Variants in TNFSF13 observed in about 807,000 individuals in gnomAD.
TNFSF13 encodes TNF superfamily member 13, also known as tumor necrosis factor ligand superfamily member 13.
A neutral mutation model predicts 30.7 loss-of-function variants in TNFSF13; 18 were observed. The observed-to-expected ratio is 0.59, with a 90% CI of 0.41 to 0.87. TNFSF13 has a LOEUF of 0.87. Among genes scored for constraint, TNFSF13 ranks in the 40% least tolerant of loss-of-function variants. The probability of loss-of-function intolerance (pLI) is 0.00; values close to 1 mark genes in which losing one functional copy is unlikely to be tolerated. For synonymous variants in TNFSF13, 116 were observed against 123.2 expected (o/e 0.94, Z 0.39); for missense variants, 286 against 308.8 (o/e 0.93, Z 0.55).
chr17:7,560,362 G>A lies in TNFSF13; in HGVS notation c.517G>A (p.Asp173Asn), dbSNP rs1447434870. 1 of 1,614,176 alleles carries A rather than the reference G, an allele frequency of 6.2e-7. No homozygotes were observed. Among genetic ancestry groups the A allele is most frequent in the Non-Finnish European group, 8.5e-7 (1 of 1,180,022 alleles). Residue 173 changes from aspartate (D) to asparagine (N), a missense_variant, in exon 5 of 6, where the codon GAC (aspartate) becomes AAC (asparagine). Transcript: ENST00000338784. ...YLLYSQVLFQ[D>N]VTFTMGQVVS... ...CCTTCCCTGCCAGGTCCTGTTTCAA[G>A]ACGTGACTTTCACCATGGGTCAGGT... is the stretch of plus-strand genomic sequence containing the variant.
Position 7,560,796 on chromosome 17 carries a change from C to G in TNFSF13, c.716C>G (p.Ser239Cys). ...IPRARAKLNLSPHGTFLGFVK... is the reference protein window; with the variant it reads ...IPRARAKLNLCPHGTFLGFVK... ...CGGGCAAGGGCGAAACTTAACCTCT[C>G]TCCACATGGAACCTTCCTGGGGTTT... The change falls in exon 6 of 6, where the codon TCT becomes TGT. Residue 239 changes from serine (S) to cysteine (C), a missense_variant. Coordinates refer to ENST00000338784, the MANE Select transcript of TNFSF13 (RefSeq NM_003808.4). 1 of 1,614,166 alleles carries G rather than the reference C, an allele frequency of 6.2e-7. No individual in the cohort carries two copies. Among genetic ancestry groups the G allele is most frequent in the Middle Eastern group, 1.6e-4 (1 of 6,062 alleles).
rs1469288391 is a variant in TNFSF13, at chr17:7,559,248, G to A, written c.209G>A (p.Gly70Asp). The change falls in exon 1 of 6, where the codon GGC (glycine) becomes GAC (aspartate). Residue 70 changes from glycine (G) to aspartate (D), a missense_variant. Coordinates refer to ENST00000338784, the MANE Select transcript of TNFSF13 (RefSeq NM_003808.4). This position sits in a 1 kb window ranked among gnomAD's most constrained non-coding sequence, Gnocchi z 5.4. ...GTGAGCCGGCTGCAGGGGACAGGAG[G>A]CCCCTCCCAGAATGGGGAAGGGTAT... Reference protein sequence around the residue: ...REVSRLQGTGGPSQNGEGYPW... With the variant: ...REVSRLQGTGDPSQNGEGYPW... 1 of 1,609,444 alleles carries A rather than the reference G, an allele frequency of 6.2e-7. No homozygotes were observed. The highest frequency in any genetic ancestry group is 1.1e-5 in the South Asian group (1 of 90,722).
At position 7,560,098 on chromosome 17, in the gene TNFSF13, G is replaced by A. The variant is rs773504137; in HGVS notation, c.435G>A (p.Gly145=). The A allele has an allele frequency of 1.1e-5, 18 of 1,614,028 alleles. No homozygotes were observed. Among genetic ancestry groups the A allele is most frequent in the African/African-American group, 1.1e-4 (8 of 74,906 alleles). Residue 145 remains glycine, a synonymous_variant, in exon 4 of 6, where the codon GGG becomes GGA. Coordinates refer to ENST00000338784, the MANE Select transcript of TNFSF13 (RefSeq NM_003808.4). ...TGTGGCAACCAGCTCTTAGGCGTGG[G>A]AGAGGCCTACAGGCCCAAGGATATG... The part of the protein sequence containing the change: ...EVMWQPALRR[G]RGLQAQGYGV...
At position 7,559,149 on chromosome 17, in the gene TNFSF13, C is replaced by T; in HGVS notation, c.110C>T (p.Ala37Val). The T allele has an allele frequency of 6.2e-7, 1 of 1,611,366 alleles. No individual in the cohort carries two copies. Among genetic ancestry groups the T allele is most frequent in the Non-Finnish European group, 8.5e-7 (1 of 1,178,242 alleles). Residue 37 changes from alanine to valine, a missense_variant, in exon 1 of 6, where the codon GCA becomes GTA. Transcript: ENST00000338784. The surrounding 1 kb of genome is among the most constrained non-coding windows in gnomAD (Gnocchi z 5.4). ...LSVALWLSWG[A>V]ALGAVACAMA... Reference sequence around the variant, plus strand: ...GTTGCCCTCTGGTTGAGTTGGGGGGCAGCTCTGGGGGCCGTGGCTTGTGCC... The same window carrying T: ...GTTGCCCTCTGGTTGAGTTGGGGGGTAGCTCTGGGGGCCGTGGCTTGTGCC...
intron 5 of TNFSF13, 76 bp from the exon 6 acceptor site, chr17:7,560,648 G>A: frequency 8.7e-6 from 14 of 1,612,474 alleles, no homozygotes; most frequent in African/African-American, 1.3e-5. Flanking sequence ...GAACGGTGGA[G>A]CTGGAGAAGG....
In TNFSF13 at chr17:7,559,343, GGGGTCT is replaced by G; in HGVS notation, c.258+47_258+52del. On this transcript the variant is annotated intron_variant, in intron 1 of 5. Coordinates refer to ENST00000338784, the MANE Select transcript of TNFSF13 (RefSeq NM_003808.4). The surrounding 1 kb of genome is among the most constrained non-coding windows in gnomAD (Gnocchi z 5.4). ...GTCTGGGAGAGGATGGTTAGCATGGGGGGTCTCTGGGCCTCCTGGTCTGCAAAGTTT... is the reference window on the plus strand; with the variant it reads ...GTCTGGGAGAGGATGGTTAGCATGGGCTGGGCCTCCTGGTCTGCAAAGTTT... 1 of 1,530,024 alleles carries G rather than the reference GGGGTCT, an allele frequency of 6.5e-7. No individual in the cohort carries two copies. The highest frequency in any genetic ancestry group is 1.4e-5 in the African/African-American group (1 of 73,058). 94.8% of individuals were successfully genotyped at this position (1,530,024 alleles called of 1,614,324 possible). A position where few individuals can be genotyped will look rare whatever the true frequency, so the allele number is the denominator to read the frequency against.
At chr17:7,560,309 C>T in intron 4 of TNFSF13, 41 bp from the exon 5 acceptor site, 1 of 1,612,958 alleles carries the variant, frequency 6.2e-7, no homozygotes, top group Non-Finnish European at 8.5e-7. Flanking sequence ...AGAACTGAGC[C>T]AGGCCATCCT....
chr17:7,559,266 A>G lies in TNFSF13; in HGVS notation c.227A>G (p.Glu76Gly). 1 of 1,608,432 alleles carries G rather than the reference A, an allele frequency of 6.2e-7. No homozygotes were observed. Among genetic ancestry groups the G allele is most frequent in the South Asian group, 1.1e-5 (1 of 90,642 alleles). ...ACAGGAGGCCCCTCCCAGAATGGGG[A>G]AGGGTATCCCTGGCAGAGTCTCCCG... ...QGTGGPSQNG[E>G]GYPWQSLPEQ... The change falls in exon 1 of 6, where the codon GAA becomes GGA. Residue 76 changes from glutamate (E) to glycine (G), a missense_variant. Glu to Gly is a moderately conservative substitution (Grantham distance 98). Transcript: ENST00000338784. The surrounding 1 kb of genome is among the most constrained non-coding windows in gnomAD (Gnocchi z 5.4).
At position 7,560,775 on chromosome 17, in the gene TNFSF13, C is replaced by T; in HGVS notation, c.695C>T (p.Ala232Val). ...ATTCTGAGTGTCATAATTCCCCGGG[C>T]AAGGGCGAAACTTAACCTCTCTCCA... ...GDILSVIIPR[A>V]RAKLNLSPHG... Residue 232 changes from alanine (A) to valine (V), a missense_variant, in exon 6 of 6, where the codon GCA (alanine) becomes GTA (valine). By Grantham distance (64) the Ala-to-Val change is moderately conservative (BLOSUM62 0). Transcript: ENST00000338784. The T allele has an allele frequency of 1.2e-6, 2 of 1,614,172 alleles. No individual in the cohort carries two copies. The highest frequency in any genetic ancestry group is 1.7e-6 in the Non-Finnish European group (2 of 1,180,018).
rs745328735 is a variant in TNFSF13 at position 7,559,331 on chromosome 17, T to C, written c.258+34T>C. 3 of 1,553,624 alleles carry C rather than the reference T, an allele frequency of 1.9e-6. No individual in the cohort carries two copies. Among genetic ancestry groups the C allele is most frequent in the Admixed American group, 3.7e-5 (2 of 53,866 alleles). ...GGGGAGGAGGGTGTCTGGGAGAGGA[T>C]GGTTAGCATGGGGGGTCTCTGGGCC... On this transcript the variant is annotated intron_variant, in intron 1 of 5. Transcript: ENST00000338784. The surrounding 1 kb of genome is among the most constrained non-coding windows in gnomAD (Gnocchi z 5.4).
At position 7,561,306 on chromosome 17, in the gene TNFSF13, G is replaced by A. The variant is rs2071200341; in HGVS notation, c.*473G>A. 1 of 494,560 alleles carries A rather than the reference G, an allele frequency of 2.0e-6. No individual in the cohort carries two copies. Among genetic ancestry groups the A allele is most frequent in the South Asian group, 2.3e-5 (1 of 43,324 alleles). 30.6% of individuals were successfully genotyped at this position (494,560 alleles called of 1,614,324 possible). On this transcript the variant is annotated 3_prime_UTR_variant, in exon 6 of 6. Transcript: ENST00000338784. This position sits in a 1 kb window ranked among gnomAD's most constrained non-coding sequence, Gnocchi z 4.4. ...TCCTACGTCCTTCTCTCCATCTATC[G>A]GACCCCAGTTTCCATCACTATCTCC...
chr17:7,560,119 A>G lies in TNFSF13; in HGVS notation c.456A>G (p.Gly152=), dbSNP rs774834947. ...LRRGRGLQAQ[G]YGVRIQDAGV... is the part of the protein sequence containing the mutation. ...GTGGGAGAGGCCTACAGGCCCAAGG[A>G]TATGGTGTCCGAATCCAGGATGCTG... Residue 152 remains glycine, a synonymous_variant, in exon 4 of 6, where the codon GGA becomes GGG. Transcript: ENST00000338784. 134 of 1,613,984 alleles carry G rather than the reference A, an allele frequency of 8.3e-5. No individual in the cohort carries two copies. The highest frequency in any genetic ancestry group is 1.0e-4 in the Non-Finnish European group (119 of 1,180,010).
In TNFSF13 at chr17:7,560,934, C is replaced by G. The variant is rs2071190953; in HGVS notation, c.*101C>G. The G allele has an allele frequency of 6.2e-7, 1 of 1,614,196 alleles. No homozygotes were observed. The highest frequency in any genetic ancestry group is 1.7e-5 in the Admixed American group (1 of 60,022). On this transcript the variant is annotated 3_prime_UTR_variant, in exon 6 of 6. Transcript: ENST00000338784. ...ATAAAGGAGAGGGAATGTGCAGGAA[C>G]AGAGGCGTCTTCCTGGGTTTGGCTC...
chr17:7,559,379 G>A lies in TNFSF13; in HGVS notation c.258+82G>A. The A allele has an allele frequency of 1.6e-5, 24 of 1,477,290 alleles. No homozygotes were observed. The highest frequency in any genetic ancestry group is 2.2e-5 in the Non-Finnish European group (24 of 1,112,866). The allele number at this position is 1,477,290 out of a possible 1,614,324, so 91.5% of individuals were successfully genotyped here. Reference sequence around the variant, plus strand: ...GCCTCCTGGTCTGCAAAGTTTCAAGGGGGTGCAAGAGAGGGTCTCCGGTTT... The same window carrying A: ...GCCTCCTGGTCTGCAAAGTTTCAAGAGGGTGCAAGAGAGGGTCTCCGGTTT... On this transcript the variant is annotated intron_variant, in intron 1 of 5. Transcript: ENST00000338784. This position sits in a 1 kb window ranked among gnomAD's most constrained non-coding sequence, Gnocchi z 5.4.
Position 7,561,090 on chromosome 17 carries a change from C to T in TNFSF13, c.*257C>T. ...TGAGGGGCGGGGGACGGGCGCCAGG[C>T]ATTGTCCAGACCTGGTCGGGGCCCA... is the stretch of plus-strand genomic sequence containing the variant. On this transcript the variant is annotated 3_prime_UTR_variant, in exon 6 of 6. Coordinates refer to ENST00000338784, the MANE Select transcript of TNFSF13 (RefSeq NM_003808.4). This position sits in a 1 kb window ranked among gnomAD's most constrained non-coding sequence, Gnocchi z 4.4. The T allele has an allele frequency of 6.3e-7, 1 of 1,592,518 alleles. No individual in the cohort carries two copies. The highest frequency in any genetic ancestry group is 8.6e-7 in the Non-Finnish European group (1 of 1,166,334).
At chr17:7,558,719 G>A (rs967797166), upstream of TNFSF13, 1 of 197,444 alleles carries the variant, frequency 5.1e-6, no homozygotes, top group Non-Finnish European at 1.0e-5. This position sits in a 1 kb window ranked among gnomAD's most constrained non-coding sequence, Gnocchi z 4.3. Flanking sequence ...GCCGCCCCAG[G>A]GTTCCTGCGC....
At position 7,558,980 on chromosome 17, in the gene TNFSF13, C is replaced by T; in HGVS notation, c.-60C>T. ...CACCACTGCCCGTACCCTTACCCGCCCCGCCACCTCCTTGCTACCCCACTC... is the reference window on the plus strand; with the variant it reads ...CACCACTGCCCGTACCCTTACCCGCTCCGCCACCTCCTTGCTACCCCACTC... On this transcript the variant is annotated 5_prime_UTR_variant, in exon 1 of 6. Coordinates refer to ENST00000338784, the MANE Select transcript of TNFSF13 (RefSeq NM_003808.4). The surrounding 1 kb of genome is among the most constrained non-coding windows in gnomAD (Gnocchi z 4.3). 1 of 1,480,460 alleles carries T rather than the reference C, an allele frequency of 6.8e-7. No individual in the cohort carries two copies. Among genetic ancestry groups the T allele is most frequent in the Non-Finnish European group, 9.0e-7 (1 of 1,111,670 alleles). 91.7% of individuals were successfully genotyped at this position (1,480,460 alleles called of 1,614,324 possible).
chr17:7,558,673 C>T (rs2071111568), upstream of TNFSF13: 1 of 163,346 alleles, frequency 6.1e-6, no homozygotes, highest in Non-Finnish European at 1.3e-5. The surrounding 1 kb of genome is among the most constrained non-coding windows in gnomAD (Gnocchi z 4.3). Flanking sequence ...GCACAATGCC[C>T]TCTAGCCAGC....
In TNFSF13 at chr17:7,560,808, C is replaced by G. The variant is rs759733918; in HGVS notation, c.728C>G (p.Thr243Ser). 3.1e-6 allele frequency: 5 copies of G among 1,614,100 alleles called. No homozygotes were observed. The South Asian group carries it at 5.5e-5, about 18-fold the overall frequency. Reference sequence around the variant, plus strand: ...AAACTTAACCTCTCTCCACATGGAACCTTCCTGGGGTTTGTGAAACTGTGA... The same window carrying G: ...AAACTTAACCTCTCTCCACATGGAAGCTTCCTGGGGTTTGTGAAACTGTGA... Reference protein sequence around the residue: ...RAKLNLSPHGTFLGFVKL With the variant: ...RAKLNLSPHGSFLGFVKL Residue 243 changes from threonine to serine, a missense_variant, in exon 6 of 6, where the codon ACC becomes AGC. Transcript: ENST00000338784.
Sources: allele counts gnomAD v4.1 joint callset, GRCh38; gene constraint gnomAD v4.1.1; non-coding constraint Gnocchi (gnomAD v3.1); transcripts MANE v1.5; gene names NCBI Gene and HGNC (gene_info 2026-07-23, HGNC 2026-07-21).